MCCC2: variants seen among roughly 807,000 people sequenced by gnomAD.
The protein encoded by MCCC2 is methylcrotonyl-CoA carboxylase subunit 2.
Under a neutral mutation model 77.2 loss-of-function variants are expected in MCCC2, and 52 were observed. That is an observed-to-expected ratio of 0.67 (90% CI 0.54 to 0.85). MCCC2 has a LOEUF of 0.85. Among genes scored for constraint, MCCC2 ranks in the 40% least tolerant of loss-of-function variants. The pLI is 0.00. For missense variants in MCCC2, 682 were observed against 703.2 expected (o/e 0.97, Z 0.34); for synonymous variants, 253 against 248.4 (o/e 1.02, Z -0.18).
chr5:71,598,081 T>C (rs1745261797), intron 3 of MCCC2, among the ~76,000 whole-genome samples: 1 of 150,978 alleles, frequency 6.6e-6, no homozygotes, highest in Non-Finnish European at 1.5e-5. Flanking sequence ...CTTTTTTTTT[T>C]TTTTTTTTTT....
At chr5:71,623,417 C>A (rs771917660) in intron 6 of MCCC2, among the ~76,000 whole-genome samples, 10 of 152,276 alleles carry the variant, frequency 6.6e-5, no homozygotes, top group Middle Eastern at 6.8e-3. Flanking sequence ...CTGTTTCTTA[C>A]GAGCTGCTGG....
At chr5:71,646,382 G>T in intron 13 of MCCC2, 105 bp downstream of exon 13, 1 of 1,009,856 alleles carries the variant, frequency 9.9e-7, no homozygotes, top group African/African-American at 1.6e-5. Flanking sequence ...CATCAGAGCA[G>T]GAAGTTCTAC....
chr5:71,628,008 T>G (rs767849959), intron 7 of MCCC2, among the ~76,000 whole-genome samples: 5 of 152,042 alleles, frequency 3.3e-5, no homozygotes, highest in Non-Finnish European at 5.9e-5. Context: ...CACTCCCGGC[T>G]AATTTTTGTA....
chr5:71,638,523 G>A (rs896100472), intron 10 of MCCC2, among the ~76,000 whole-genome samples: 4 of 152,154 alleles, frequency 2.6e-5, no homozygotes, highest in Non-Finnish European at 5.9e-5. Context: ...CTGAGGAAAT[G>A]TATTTCTTTT....
intron 5 of MCCC2, among the ~76,000 whole-genome samples, chr5:71,603,619 GA>G (rs1181648530): frequency 2.6e-5 from 4 of 152,262 alleles, no homozygotes; most frequent in African/African-American, 9.6e-5. Context: ...AACAGCAAAT[GA>G]GGCCCAGCTG....
At chr5:71,602,814 C>G (rs2112321574) in intron 5 of MCCC2, 181 bp downstream of exon 5, 1 of 837,652 alleles carries the variant, frequency 1.2e-6, no homozygotes, top group South Asian at 1.7e-5. Flanking sequence ...AAGAACTGTT[C>G]ATAGTACTAG....
Position 71,587,442 on chromosome 5 carries a change from G to A in MCCC2, c.17G>A (p.Arg6Lys), listed in dbSNP as rs1215578653. 6.5e-7 allele frequency: 1 copy of A among 1,535,152 alleles called. No homozygotes were observed. The change falls in exon 1 of 17, where the codon AGG (arginine) becomes AAG (lysine). Residue 6 changes from arginine (R) to lysine (K), a missense_variant. Arg to Lys is a conservative substitution (Grantham distance 26). Coordinates refer to ENST00000340941, the MANE Select transcript of MCCC2 (RefSeq NM_022132.5). ...CCCGCCGCCATGTGGGCCGTCCTGA[G>A]GTTAGCCCTGCGGCCGTGTGCCCGC... MWAVL[R>K]LALRPCARAS...
At chr5:71,621,798 AAAAG>A in intron 6 of MCCC2, among the ~76,000 whole-genome samples, 1 of 152,324 alleles carries the variant, frequency 6.6e-6, no homozygotes, top group South Asian at 2.1e-4. Flanking sequence ...TACAAAAAAA[AAAAG>A]AAAGAATGAG....
chr5:71,615,949 G>A (rs1032281873), intron 6 of MCCC2, among the ~76,000 whole-genome samples: 2 of 152,180 alleles, frequency 1.3e-5, no homozygotes, highest in Non-Finnish European at 2.9e-5. Context: ...TAAACTTGGA[G>A]CTTTCAGTCC....
chr5:71,609,877 C>G (rs1745849257), intron 6 of MCCC2, among the ~76,000 whole-genome samples: 1 of 151,998 alleles, frequency 6.6e-6, no homozygotes, highest in Non-Finnish European at 1.5e-5. Flanking sequence ...AGTTAGGCTG[C>G]TCGGGGGTCA....
intron 6 of MCCC2, among the ~76,000 whole-genome samples, chr5:71,617,667 T>G (rs565092693): frequency 1.3e-5 from 2 of 152,348 alleles, no homozygotes; most frequent in Non-Finnish European, 2.9e-5. Context: ...AGTTAATCAC[T>G]TCTAACTTCA....
Position 71,646,162 on chromosome 5 carries a change from A to C in MCCC2, c.1150-49A>C, listed in dbSNP as rs192580677. 12 of 1,477,754 alleles carry C rather than the reference A, an allele frequency of 8.1e-6. No individual in the cohort carries two copies. The Admixed American group carries it at 1.8e-4, about 23-fold the overall frequency. 91.5% of individuals were successfully genotyped at this position (1,477,754 alleles called of 1,614,324 possible). On this transcript the variant is annotated intron_variant, in intron 12 of 16. Transcript: ENST00000340941. The stretch of plus-strand genomic sequence containing the variant: ...TGGTGTTTGTAGAATGCATGATGAT[A>C]ATAGAGTTAATTCCCTTTTAAAAAG...
intron 6 of MCCC2, among the ~76,000 whole-genome samples, chr5:71,609,582 C>T (rs10805885): frequency 0.78 from 115,026 of 147,342 alleles, 45,622 homozygotes; most frequent in East Asian, 0.87. Context: ...AAAGTCATTC[C>T]CCATCCAGCT....
At position 71,649,159 on chromosome 5, in the gene MCCC2, G is replaced by A; in HGVS notation, c.1279G>A (p.Ala427Thr). 1 of 1,614,236 alleles carries A rather than the reference G, an allele frequency of 6.2e-7. No individual in the cohort carries two copies. Among genetic ancestry groups the A allele is most frequent in the Non-Finnish European group, 8.5e-7 (1 of 1,180,036 alleles). Residue 427 changes from alanine to threonine, a missense_variant, in exon 14 of 17, where the codon GCC becomes ACC. Transcript: ENST00000340941. The stretch of plus-strand genomic sequence containing the variant: ...TGCCAAGGATGGTGCCAAGATGGTG[G>A]CCGCTGTGGCCTGTGCCCAAGTGCC... ...GIAKDGAKMV[A>T]AVACAQVPKI...
intron 6 of MCCC2, among the ~76,000 whole-genome samples, chr5:71,624,462 G>C (rs1356300115): frequency 1.4e-5 from 2 of 146,816 alleles, no homozygotes; most frequent in Non-Finnish European, 3.0e-5. Context: ...ACCGCAACCT[G>C]TGCCTCCCGG....
chr5:71,652,538 A>G lies in MCCC2; in HGVS notation c.1489-131A>G, dbSNP rs559587703. 21 of 755,358 alleles carry G rather than the reference A, an allele frequency of 2.8e-5. No individual in the cohort carries two copies. The African/African-American group carries it at 3.3e-4, about 12-fold the overall frequency. The allele number at this position is 755,358 out of a possible 1,614,324, so 46.8% of individuals were successfully genotyped here. On this transcript the variant is annotated intron_variant, in intron 15 of 16. Transcript: ENST00000340941. ...GTATGTTAATGATCACTTGTAATTT[A>G]TACATCACTATGCACATGTTAGATG...
At chr5:71,646,549 G>A (rs962723742) in intron 13 of MCCC2, among the ~76,000 whole-genome samples, 2 of 152,108 alleles carry the variant, frequency 1.3e-5, no homozygotes, top group East Asian at 1.9e-4. Flanking sequence ...TTTGTAAGAC[G>A]TAGTTTCACC....
chr5:71,616,170 T>A (rs1746149475), intron 6 of MCCC2, among the ~76,000 whole-genome samples: 1 of 152,232 alleles, frequency 6.6e-6, no homozygotes, highest in Admixed American at 6.5e-5. Context: ...GCCTTATGTA[T>A]CTTTTCATCT....
intron 7 of MCCC2, among the ~76,000 whole-genome samples, chr5:71,627,825 C>CTT (rs530173993): frequency 8.3e-4 from 119 of 143,388 alleles, no homozygotes; most frequent in African/African-American, 3.0e-3. Flanking sequence ...GATGTTGAGG[C>CTT]TTTTTTTTTT....
Sources: gnomAD v4.1 joint callset for allele counts (sites outside exome capture counted in the v4.1 genomes callset) on GRCh38, gnomAD v4.1.1 for gene constraint, MANE v1.5 for transcripts, NCBI Gene and HGNC (gene_info 2026-07-23, HGNC 2026-07-21) for gene names.